Variants in IZUMO4 observed in about 807,000 individuals in gnomAD.
IZUMO4 encodes IZUMO family member 4.
IZUMO4 carries 51 observed loss-of-function variants against 37.1 expected under a neutral mutation model. The observed-to-expected ratio is 1.38, with a 90% CI of 1.10 to 1.74. IZUMO4 has a LOEUF of 1.74. Ranked by LOEUF, IZUMO4 falls within the 40% of genes most tolerant of loss-of-function variation. The pLI is 0.00. For missense variants in IZUMO4, 364 were observed against 299.6 expected (o/e 1.21, Z -1.59); for synonymous variants, 162 against 121.4 (o/e 1.33, Z -2.20).
chr19:2,097,817 GC>G, intron 3 of IZUMO4, 111 bp from the exon 4 acceptor site: 1 of 1,359,434 alleles, frequency 7.4e-7, no homozygotes, highest in South Asian at 1.2e-5. Flanking sequence ...AACCAGGTGA[GC>G]CTGGGCCCCA....
Position 2,098,032 on chromosome 19 carries a change from G to T in IZUMO4, c.398-20G>T, listed in dbSNP as rs752519169. 1.9e-6 allele frequency: 3 copies of T among 1,613,248 alleles called. No individual in the cohort carries two copies. Among genetic ancestry groups the T allele is most frequent in the South Asian group, 1.1e-5 (1 of 91,092 alleles). On this transcript the variant is annotated intron_variant, in intron 4 of 9. Coordinates refer to ENST00000395301, the MANE Select transcript of IZUMO4 (RefSeq NM_001039846.2). Reference sequence around the variant, plus strand: ...CCTGGAGGCTGAGGGGAGCCCTGGCGGCTCTTGTACGTGTTTCAGGCATCT... The same window carrying T: ...CCTGGAGGCTGAGGGGAGCCCTGGCTGCTCTTGTACGTGTTTCAGGCATCT...
In IZUMO4 at chr19:2,097,419, C is replaced by T. The variant is rs2017736141; in HGVS notation, c.299-5C>T. On this transcript the variant is annotated splice_polypyrimidine_tract_variant and splice_region_variant and intron_variant, in intron 2 of 9. Coordinates refer to ENST00000395301, the MANE Select transcript of IZUMO4 (RefSeq NM_001039846.2). The stretch of plus-strand genomic sequence containing the variant: ...GCCTGACCTTCTCCTGCCTCGACGA[C>T]TCAGGGTATTTCCCCAACGAGCTGC... 1.2e-6 allele frequency: 2 copies of T among 1,612,194 alleles called. No homozygotes were observed. The highest frequency in any genetic ancestry group is 1.7e-6 in the Non-Finnish European group (2 of 1,179,330).
At chr19:2,099,181 A>G (rs1056676979) in intron 9 of IZUMO4, 74 bp from the exon 10 acceptor site, 2 of 1,428,064 alleles carry the variant, frequency 1.4e-6, no homozygotes, top group Admixed American at 1.7e-5. Flanking sequence ...CTGGGAGGAG[A>G]GGCCTGGGGC....
Position 2,099,271 on chromosome 19 carries a change from T to A in IZUMO4, c.625T>A (p.Leu209Ile). 1 of 1,612,788 alleles carries A rather than the reference T, an allele frequency of 6.2e-7. No homozygotes were observed. The highest frequency in any genetic ancestry group is 2.2e-5 in the East Asian group (1 of 44,870). The change falls in exon 10 of 10, where the codon TTA becomes ATA. Residue 209 changes from leucine (L) to isoleucine (I), a missense_variant. Leu to Ile is a conservative substitution (Grantham distance 5). Coordinates refer to ENST00000395301, the MANE Select transcript of IZUMO4 (RefSeq NM_001039846.2). ...ATPAFLVSPA[L>I]RCLEPPHLAN... is the part of the protein sequence containing the mutation. Reference sequence around the variant, plus strand: ...TCCCCGCAGCCTGGTATCGCCAGCCTTAAGGTGTCTGGAGCCCCCACACTT... The same window carrying A: ...TCCCCGCAGCCTGGTATCGCCAGCCATAAGGTGTCTGGAGCCCCCACACTT...
At position 2,099,354 on chromosome 19, in the gene IZUMO4, G is replaced by A; in HGVS notation, c.*9G>A. The A allele has an allele frequency of 6.2e-7, 1 of 1,606,300 alleles. No homozygotes were observed. On this transcript the variant is annotated 3_prime_UTR_variant, in exon 10 of 10. Transcript: ENST00000395301. Reference sequence around the variant, plus strand: ...GTCTCAAGCAGCACTGACAGCAGCTGGGCCTGCCCCAGGGCAACGTGGGGG... The same window carrying A: ...GTCTCAAGCAGCACTGACAGCAGCTAGGCCTGCCCCAGGGCAACGTGGGGG...
At chr19:2,098,199 G>C in intron 5 of IZUMO4, 72 bp downstream of exon 5, 1 of 1,611,188 alleles carries the variant, frequency 6.2e-7, no homozygotes, top group South Asian at 1.1e-5. Flanking sequence ...CTCCTTGGAG[G>C]GGGCTCCCCG....
rs1181962930 is a variant in IZUMO4, at chr19:2,097,333, G to C, written c.298+1G>C. On this transcript the variant is annotated splice_donor_variant, in intron 2 of 9. Coordinates refer to ENST00000395301, the MANE Select transcript of IZUMO4 (RefSeq NM_001039846.2). LOFTEE classifies it high-confidence loss of function. ...TACCAGGGGAAGATGTACTTCCCCGGTAAGGGGCGCGAAACCGAGGCGGGG... is the reference window on the plus strand; with the variant it reads ...TACCAGGGGAAGATGTACTTCCCCGCTAAGGGGCGCGAAACCGAGGCGGGG... The C allele has an allele frequency of 6.2e-7, 1 of 1,612,664 alleles. No individual in the cohort carries two copies. Among genetic ancestry groups the C allele is most frequent in the Admixed American group, 1.7e-5 (1 of 60,014 alleles).
At chr19:2,098,713 A>G in intron 7 of IZUMO4, 74 bp from the exon 8 acceptor site, 1 of 1,588,616 alleles carries the variant, frequency 6.3e-7, no homozygotes, top group Non-Finnish European at 8.5e-7. Context: ...GTCTGTGGTC[A>G]GAGCCTGGGA....
chr19:2,097,635 C>A (rs1226869450), intron 3 of IZUMO4, 140 bp downstream of exon 3: 3 of 823,570 alleles, frequency 3.6e-6, no homozygotes, highest in Non-Finnish European at 6.2e-6. Context: ...CAGGGAGGGA[C>A]CCAGCCTAGC....
In IZUMO4 at chr19:2,098,323, C is replaced by T; in HGVS notation, c.510C>T (p.Leu170=). ...SAQWKSAVQG[L]LNYINNWHKQ... is the part of the protein sequence containing the mutation. ...AGTGGAAGTCAGCTGTCCAGGGCCT[C>T]CTGAACTACATGTGAGTGGGGTCTT... The change falls in exon 6 of 10, where the codon CTC becomes CTT. Residue 170 remains leucine (L), a synonymous_variant. Coordinates refer to ENST00000395301, the MANE Select transcript of IZUMO4 (RefSeq NM_001039846.2). 3.7e-6 allele frequency: 6 copies of T among 1,614,010 alleles called. No homozygotes were observed. The highest frequency in any genetic ancestry group is 5.1e-6 in the Non-Finnish European group (6 of 1,180,032).
Position 2,097,332 on chromosome 19 carries a change from G to GA in IZUMO4, c.298_298+1insA (p.Gly100GlufsTer57). ...GTACCAGGGGAAGATGTACTTCCCC[G>GA]GTAAGGGGCGCGAAACCGAGGCGGG... On this transcript the variant is annotated frameshift_variant and splice_region_variant. Transcript: ENST00000395301. LOFTEE classifies it high-confidence loss of function. 1 of 1,612,314 alleles carries GA rather than the reference G, an allele frequency of 6.2e-7. No homozygotes were observed. The highest frequency in any genetic ancestry group is 8.5e-7 in the Non-Finnish European group (1 of 1,179,520).
chr19:2,098,867 G>T, intron 8 of IZUMO4, 63 bp downstream of exon 8: 1 of 1,529,522 alleles, frequency 6.5e-7, no homozygotes, highest in Admixed American at 1.8e-5. Flanking sequence ...GGGGGGCTAG[G>T]GGGTCCTCTA....
At position 2,098,126 on chromosome 19, in the gene IZUMO4, G is replaced by A. The variant is rs775276005; in HGVS notation, c.472G>A (p.Glu158Lys). 5 of 1,613,354 alleles carry A rather than the reference G, an allele frequency of 3.1e-6. No homozygotes were observed. The highest frequency in any genetic ancestry group is 1.7e-5 in the Admixed American group (1 of 60,000). Reference protein sequence around the residue: ...SHVACFGYNCESSAQWKSAVQ... With the variant: ...SHVACFGYNCKSSAQWKSAVQ... ...CGTCGCCTGCTTTGGCTATAACTGC[G>A]AGTAGGGCTCAGGCATCACACCCAC... The change falls in exon 5 of 10, where the codon GAG becomes AAG. Residue 158 changes from glutamate (E) to lysine (K), a missense_variant and splice_region_variant. Glu to Lys is a moderately conservative substitution (Grantham distance 56). Transcript: ENST00000395301.
Position 2,097,962 on chromosome 19 carries a change from A to C in IZUMO4, c.397+7A>C, listed in dbSNP as rs762892833. ...GACTGTCAGCACCGCTGTGGTAAGCAAGGCTCCGTCCAGGCTGAGGGGCGT... is the reference window on the plus strand; with the variant it reads ...GACTGTCAGCACCGCTGTGGTAAGCCAGGCTCCGTCCAGGCTGAGGGGCGT... On this transcript the variant is annotated splice_region_variant and intron_variant, in intron 4 of 9. Transcript: ENST00000395301. 5 of 1,613,056 alleles carry C rather than the reference A, an allele frequency of 3.1e-6. No individual in the cohort carries two copies. The highest frequency in any genetic ancestry group is 4.5e-5 in the East Asian group (2 of 44,900).
chr19:2,098,531 G>A (rs2017791753), intron 7 of IZUMO4, 81 bp downstream of exon 7: 1 of 1,608,086 alleles, frequency 6.2e-7, no homozygotes, highest in South Asian at 1.1e-5. Flanking sequence ...GCACAGGCTG[G>A]CTCCCTCAGC....
At position 2,098,053 on chromosome 19, in the gene IZUMO4, C is replaced by T. The variant is rs1346530215; in HGVS notation, c.399C>T (p.Gly133=). The T allele has an allele frequency of 1.9e-6, 3 of 1,613,242 alleles. No individual in the cohort carries two copies. Among genetic ancestry groups the T allele is most frequent in the African/African-American group, 1.3e-5 (1 of 74,940 alleles). ...TGGCGGCTCTTGTACGTGTTTCAGGCATCTTCCAGTACGAGACCATCTCCT... is the reference window on the plus strand; with the variant it reads ...TGGCGGCTCTTGTACGTGTTTCAGGTATCTTCCAGTACGAGACCATCTCCT... The part of the protein sequence containing the change: ...ESRIDCQHRC[G]IFQYETISCN... Residue 133 remains glycine (G), a splice_region_variant and synonymous_variant, in exon 5 of 10, where the codon GGC becomes GGT. Coordinates refer to ENST00000395301, the MANE Select transcript of IZUMO4 (RefSeq NM_001039846.2).
chr19:2,099,390 G>A lies in IZUMO4; in HGVS notation c.*45G>A. 1 of 1,377,054 alleles carries A rather than the reference G, an allele frequency of 7.3e-7. No individual in the cohort carries two copies. The highest frequency in any genetic ancestry group is 1.0e-6 in the Non-Finnish European group (1 of 985,334). 85.3% of individuals were successfully genotyped at this position (1,377,054 alleles called of 1,614,324 possible). On this transcript the variant is annotated 3_prime_UTR_variant, in exon 10 of 10. Coordinates refer to ENST00000395301, the MANE Select transcript of IZUMO4 (RefSeq NM_001039846.2). ...AGGGCAACGTGGGGGCGGAGACTCA[G>A]CTGGACAGCCCCTGCCTGTCACTCT...
chr19:2,098,993 T>C lies in IZUMO4; in HGVS notation c.572T>C (p.Phe191Ser), dbSNP rs879041873. 3.1e-6 allele frequency: 5 copies of C among 1,612,980 alleles called. No individual in the cohort carries two copies. The highest frequency in any genetic ancestry group is 1.7e-5 in the Admixed American group (1 of 60,000). ...DTSMRPRSSA[F>S]SWPGTHRATP... ...ATGAACAGACCACGCTCCTCTGCCT[T>C]CTCCTGGCCTGGGACACACAGAGCC... Residue 191 changes from phenylalanine to serine, a missense_variant, in exon 9 of 10, where the codon TTC (phenylalanine) becomes TCC (serine). By Grantham distance (155) the Phe-to-Ser change is radical. Coordinates refer to ENST00000395301, the MANE Select transcript of IZUMO4 (RefSeq NM_001039846.2).
Position 2,098,235 on chromosome 19 carries a change from G to C in IZUMO4, c.474-52G>C, listed in dbSNP as rs957874570. 26 of 1,612,810 alleles carry C rather than the reference G, an allele frequency of 1.6e-5. 1 individual carries two copies. The South Asian group carries it at 2.7e-4, about 17-fold the overall frequency. ...CCTTCCACCTGGCTGTCATCGGGTA[G>C]GGCGGGGCCGTGGGTTCAGGGGCGC... On this transcript the variant is annotated intron_variant, in intron 5 of 9. Coordinates refer to ENST00000395301, the MANE Select transcript of IZUMO4 (RefSeq NM_001039846.2).
Sources: allele counts gnomAD v4.1 joint callset, GRCh38; gene constraint gnomAD v4.1.1; transcripts MANE v1.5; gene names NCBI Gene and HGNC (gene_info 2026-07-23, HGNC 2026-07-21).